VPS37A: variants seen among roughly 807,000 people sequenced by gnomAD.
VPS37A encodes VPS37A subunit of ESCRT-I.
VPS37A carries 30 observed loss-of-function variants against 49.8 expected under a neutral mutation model. The observed-to-expected ratio is 0.60, with a 90% CI of 0.45 to 0.82. The LOEUF (loss-of-function observed/expected upper bound fraction) is 0.82. Ranked by LOEUF, VPS37A falls within the 40% of genes least tolerant of loss-of-function variation. The pLI, the probability that VPS37A is intolerant of heterozygous loss-of-function variation, is 0.00. For synonymous variants in VPS37A, 195 were observed against 160.6 expected, an observed-to-expected ratio of 1.21 and a Z score of -1.62; for missense variants, 593 against 464.4, an observed-to-expected ratio of 1.28 and a Z score of -2.55.
chr8:17,293,231 C>T (rs1376117373), intron 11 of VPS37A, among the ~76,000 whole-genome samples: 3 of 151,370 alleles, frequency 2.0e-5, no homozygotes, highest in Non-Finnish European at 2.9e-5. Flanking sequence ...CTTTCTTCTG[C>T]TTGATCGATT....
intron 3 of VPS37A, 49 bp downstream of exon 3, chr8:17,268,421 C>A: frequency 1.5e-6 from 2 of 1,300,418 alleles, no homozygotes; most frequent in Non-Finnish European, 2.1e-6. Context: ...AGGTGTATTA[C>A]TTTTCTACTA....
intron 1 of VPS37A, chr8:17,248,351 G>A (rs977886594): frequency 1.1e-5 from 5 of 450,806 alleles, no homozygotes; most frequent in African/African-American, 4.2e-5. Context: ...TGCAACCTCC[G>A]TCTCCCGGAT....
chr8:17,267,543 A>T (rs746104809), intron 2 of VPS37A, among the ~76,000 whole-genome samples: 5 of 152,074 alleles, frequency 3.3e-5, no homozygotes, highest in Non-Finnish European at 7.4e-5. Flanking sequence ...CTTGGGAGAG[A>T]TGTGTCATTT....
chr8:17,251,168 T>C (rs1358420524), intron 1 of VPS37A, among the ~76,000 whole-genome samples: 1 of 152,164 alleles, frequency 6.6e-6, no homozygotes, highest in Non-Finnish European at 1.5e-5. Context: ...GTGATGATGG[T>C]CTCATCACCC....
At chr8:17,272,900 A>G (rs890039348) in intron 4 of VPS37A, among the ~76,000 whole-genome samples, 7 of 151,830 alleles carry the variant, frequency 4.6e-5, no homozygotes, top group Admixed American at 4.6e-4. Context: ...ATTAGCATCT[A>G]AAGTTATTTG....
chr8:17,333,397 T>C, the VPS37A span, among the ~76,000 whole-genome samples: 118 of 152,356 alleles, frequency 7.7e-4, 1 homozygote, highest in African/African-American at 2.8e-3. Flanking sequence ...TTTTCAAAGA[T>C]GTTGGTTTAT....
intron 4 of VPS37A, among the ~76,000 whole-genome samples, chr8:17,274,526 A>G (rs573971835): frequency 4.0e-4 from 60 of 151,480 alleles, no homozygotes; most frequent in Admixed American, 5.9e-4. Context: ...CCACAATTCT[A>G]CAATTCTTTT....
the VPS37A span, among the ~76,000 whole-genome samples, chr8:17,324,255 C>G: frequency 6.6e-6 from 1 of 152,352 alleles, no homozygotes; most frequent in Admixed American, 6.5e-5. Context: ...CAGTAACTGT[C>G]TGATGAATAG....
chr8:17,249,640 T>C (rs1381500021), intron 1 of VPS37A, among the ~76,000 whole-genome samples: 2 of 152,170 alleles, frequency 1.3e-5, no homozygotes, highest in Non-Finnish European at 1.5e-5. Context: ...TTTTAAATAA[T>C]GACATATATT....
chr8:17,311,646 A>G, the VPS37A span: 38 of 1,613,934 alleles, frequency 2.4e-5, no homozygotes, highest in Non-Finnish European at 3.1e-5. Flanking sequence ...CCTAGAAAAC[A>G]CACGATCCGC....
At chr8:17,288,363 C>G (rs1390178909) in intron 11 of VPS37A, among the ~76,000 whole-genome samples, 1 of 152,084 alleles carries the variant, frequency 6.6e-6, no homozygotes, top group African/African-American at 2.4e-5. Flanking sequence ...TAATGCTATT[C>G]CTCTCCTTGC....
chr8:17,263,902 C>G (rs185799594), intron 1 of VPS37A, among the ~76,000 whole-genome samples: 2 of 152,246 alleles, frequency 1.3e-5, no homozygotes, highest in African/African-American at 4.8e-5. Context: ...GATCGTGTCA[C>G]CACACTCCAG....
chr8:17,323,820 T>C, the VPS37A span, among the ~76,000 whole-genome samples: 1 of 152,192 alleles, frequency 6.6e-6, no homozygotes, highest in South Asian at 2.1e-4. Flanking sequence ...CACAACTGTC[T>C]TGAGTTTGAT....
chr8:17,305,637 G>C (rs1345498824), downstream of VPS37A: 2 of 754,354 alleles, frequency 2.7e-6, no homozygotes, highest in African/African-American at 3.6e-5. Context: ...AAACTAATCT[G>C]TCAGTATAGG....
chr8:17,247,361 A>G lies in VPS37A; in HGVS notation c.117A>G (p.Ser39=). Residue 39 remains serine (S), a synonymous_variant, in exon 1 of 12, where the codon TCA becomes TCG. Transcript: ENST00000324849. ...GCCTGATCGAGTCCCTCCGGAACTC[A>G]CACTCCAGGTGACTGGTCGCTGCCT... The part of the protein sequence containing the change: ...KQRLIESLRN[S]HSSIAEIQKD... 1.4e-6 allele frequency: 2 copies of G among 1,388,070 alleles called. No individual in the cohort carries two copies. Among genetic ancestry groups the G allele is most frequent in the Non-Finnish European group, 1.9e-6 (2 of 1,051,936 alleles). 86.0% of individuals were successfully genotyped at this position (1,388,070 alleles called of 1,614,324 possible). A position where few individuals can be genotyped will look rare whatever the true frequency, so the allele number is the denominator to read the frequency against.
chr8:17,286,705 C>T (rs1815626812), intron 11 of VPS37A: 1 of 303,796 alleles, frequency 3.3e-6, no homozygotes, highest in African/African-American at 2.2e-5. Flanking sequence ...GTTCCTTTCT[C>T]TCACCTGGTG....
intron 11 of VPS37A, 79 bp downstream of exon 11, chr8:17,286,506 TTCA>T: frequency 8.1e-7 from 1 of 1,233,714 alleles, no homozygotes; most frequent in Non-Finnish European, 1.2e-6. Context: ...ACGGTGCCTG[TTCA>T]TCAGCCTTAA....
At chr8:17,248,107 G>C (rs766855518) in intron 1 of VPS37A, 5 of 361,114 alleles carry the variant, frequency 1.4e-5, no homozygotes, top group South Asian at 2.3e-5. Context: ...AAATTGGTTT[G>C]CTGCAGCCTT....
the VPS37A span, chr8:17,331,066 T>C: frequency 6.7e-7 from 1 of 1,492,986 alleles, no homozygotes; most frequent in Admixed American, 2.3e-5. Flanking sequence ...TGTAAAAACA[T>C]TTTAAAATCA....
Sources: allele counts gnomAD v4.1 joint callset (sites outside exome capture counted in the v4.1 genomes callset), GRCh38; gene constraint gnomAD v4.1.1; transcripts MANE v1.5; gene names NCBI Gene and HGNC (gene_info 2026-07-23, HGNC 2026-07-21).